Variants in C3orf33 observed in about 807,000 individuals in gnomAD.
C3orf33 encodes the protein mitochondrial inner membrane subdomain organizer 1, also known as AP-1 activity suppressor.
Under a neutral mutation model 28.7 loss-of-function variants are expected in C3orf33, and 23 were observed. The ratio of observed to expected loss-of-function variants is 0.80; its 90% confidence interval spans 0.58 to 1.13. The LOEUF (loss-of-function observed/expected upper bound fraction) is 1.13, where lower values mean the gene tolerates loss of function less well. Ranked by LOEUF, C3orf33 falls within the 50% of genes most tolerant of loss-of-function variation. C3orf33 has a pLI of 0.00. For missense variants in C3orf33, 327 were observed against 353.4 expected, an observed-to-expected ratio of 0.93 and a Z score of 0.60; for synonymous variants, 119 against 120.5, an observed-to-expected ratio of 0.99 and a Z score of 0.08.
intron 2 of C3orf33, among the ~76,000 whole-genome samples, chr3:155,787,312 C>T (rs187737693): frequency 4.6e-5 from 7 of 151,448 alleles, no homozygotes; most frequent in Admixed American, 1.3e-4. Context: ...GATCCTCCCA[C>T]CTCAGCCTCC....
chr3:155,787,464 G>A (rs1405597700), intron 2 of C3orf33, among the ~76,000 whole-genome samples: 1 of 149,250 alleles, frequency 6.7e-6, no homozygotes, highest in Non-Finnish European at 1.5e-5. Context: ...CAATTCTCCT[G>A]CCTCAGCCTC....
rs113288254 is a variant in C3orf33, at chr3:155,797,210, C to T, written c.174+5322G>A. On this transcript the variant is annotated intron_variant, in intron 2 of 4. Coordinates refer to ENST00000340171, the MANE Select transcript of C3orf33 (RefSeq NM_001308229.2). ...AAAGAAAAGACAAAAGCCATACAAACATGAACATTTCAATAGATGCTGAAA... is the reference window on the plus strand; with the variant it reads ...AAAGAAAAGACAAAAGCCATACAAATATGAACATTTCAATAGATGCTGAAA... Among the ~76,000 whole-genome samples the T allele has an allele frequency of 2.2e-3, 337 of 152,198 alleles. 2 individuals are homozygous for T. The highest frequency in any genetic ancestry group is 7.2e-3 in the African/African-American group (298 of 41,538).
intron 2 of C3orf33, among the ~76,000 whole-genome samples, chr3:155,780,492 T>C (rs1026072200): frequency 6.6e-6 from 1 of 152,258 alleles, no homozygotes; most frequent in African/African-American, 2.4e-5. Context: ...GTTTATAAAG[T>C]GCTGGCACAA....
chr3:155,797,914 T>C (rs1249428995), intron 2 of C3orf33, among the ~76,000 whole-genome samples: 1 of 151,750 alleles, frequency 6.6e-6, no homozygotes, highest in Non-Finnish European at 1.5e-5. Context: ...CTACTAAAAA[T>C]ACAAAAATTA....
intron 2 of C3orf33, among the ~76,000 whole-genome samples, chr3:155,782,502 A>G (rs183186418): frequency 6.6e-6 from 1 of 152,340 alleles, no homozygotes; most frequent in African/African-American, 2.4e-5. Context: ...AGCAGCAAGA[A>G]AGAAGCAATT....
intron 2 of C3orf33, among the ~76,000 whole-genome samples, chr3:155,790,266 A>AT (rs1751273562): frequency 6.6e-6 from 1 of 151,536 alleles, no homozygotes; most frequent in Non-Finnish European, 1.5e-5. Context: ...CTAACACTAT[A>AT]TAAAAAAATT....
intron 3 of C3orf33, among the ~76,000 whole-genome samples, chr3:155,772,772 CTGTGTGTGTGTGTGTGTG>C (rs60966459): frequency 3.1e-4 from 44 of 142,136 alleles, no homozygotes; most frequent in Non-Finnish European, 5.8e-4. Context: ...TTTTTAGGCT[CTGTGTGTGTGTGTGTGTG>C]TGTGTGTGTG....
rs1482433585 is a variant in C3orf33 at position 155,762,890 on chromosome 3, T to A, written c.*627A>T. The A allele has an allele frequency of 6.6e-6, 1 of 151,254 alleles. No homozygotes were observed. Among genetic ancestry groups the A allele is most frequent in the Non-Finnish European group, 1.5e-5 (1 of 67,892 alleles). 9.4% of individuals were successfully genotyped at this position (151,254 alleles called of 1,614,324 possible). On this transcript the variant is annotated 3_prime_UTR_variant, in exon 5 of 5. Transcript: ENST00000340171. ...ATGTCAAAACAAAAAAAGCCGGGCT[T>A]GGTAGCTCACGCCTGTAATCCCAGC...
At chr3:155,777,424 A>C (rs961449230) in intron 2 of C3orf33, among the ~76,000 whole-genome samples, 1 of 152,134 alleles carries the variant, frequency 6.6e-6, no homozygotes, top group Non-Finnish European at 1.5e-5. Flanking sequence ...GATAATATTA[A>C]AGGACAAACT....
chr3:155,775,739 T>C lies in C3orf33; in HGVS notation c.284A>G (p.His95Arg). 6.3e-7 allele frequency: 1 copy of C among 1,584,282 alleles called. No homozygotes were observed. Among genetic ancestry groups the C allele is most frequent in the Non-Finnish European group, 8.7e-7 (1 of 1,154,860 alleles). Reference protein sequence around the residue: ...RITENGLEIEHIPITLPIIAS... With the variant: ...RITENGLEIERIPITLPIIAS... ...TATAATAGGTAAAGTAATAGGTATA[T>C]GTTCAATTTCTAAACCATTCTCAGT... The change falls in exon 3 of 5, where the codon CAT becomes CGT. Residue 95 changes from histidine (H) to arginine (R), a missense_variant. Transcript: ENST00000340171.
At chr3:155,780,263 G>A (rs1032603046) in intron 2 of C3orf33, among the ~76,000 whole-genome samples, 1 of 152,150 alleles carries the variant, frequency 6.6e-6, no homozygotes, top group Admixed American at 6.6e-5. Flanking sequence ...AGACGGTGAA[G>A]AAGATGTCCT....
chr3:155,766,885 G>A (rs1356233578), intron 4 of C3orf33, among the ~76,000 whole-genome samples: 1 of 152,216 alleles, frequency 6.6e-6, no homozygotes, highest in East Asian at 1.9e-4. Context: ...GGGAGGCAGA[G>A]ATTGCAGTGA....
At chr3:155,766,041 A>G (rs895124100) in intron 4 of C3orf33, among the ~76,000 whole-genome samples, 13 of 152,154 alleles carry the variant, frequency 8.5e-5, no homozygotes, top group Non-Finnish European at 1.8e-4. Context: ...ATCTTATTTT[A>G]TTTACAAGAA....
Position 155,763,683 on chromosome 3 carries a change from TC to T in C3orf33, c.718del (p.Asp240ThrfsTer4), listed in dbSNP as rs761276267. The T allele has an allele frequency of 6.3e-7, 1 of 1,594,750 alleles. No individual in the cohort carries two copies. The highest frequency in any genetic ancestry group is 1.2e-5 in the South Asian group (1 of 85,562). ...TGATCCTGTTGTTTTTAAAAAACTG[TC>T]CTTTTTCCATATTTCTCTCCAGGAA... ...KDSWREIWKK[D>X]SFLKTTGSDF... On this transcript the variant is annotated frameshift_variant, in exon 5 of 5. Transcript: ENST00000340171. LOFTEE classifies it high-confidence loss of function.
At chr3:155,793,834 A>AAAAAC (rs778070795) in intron 2 of C3orf33, among the ~76,000 whole-genome samples, 56 of 146,590 alleles carry the variant, frequency 3.8e-4, no homozygotes, top group Middle Eastern at 3.5e-3. Context: ...AAAACTAAAA[A>AAAAAC]AACTAAAAAA....
chr3:155,770,308 A>T (rs1490574756), intron 3 of C3orf33, among the ~76,000 whole-genome samples: 5 of 152,236 alleles, frequency 3.3e-5, no homozygotes, highest in African/African-American at 1.2e-4. Context: ...AGTGCAGCCC[A>T]CCAGGCCAAG....
At chr3:155,775,502 A>G (rs1351448572) in intron 3 of C3orf33, among the ~76,000 whole-genome samples, 199 bp downstream of exon 3, 8 of 151,678 alleles carry the variant, frequency 5.3e-5, no homozygotes, top group East Asian at 1.9e-4. Flanking sequence ...AAAAAAAAAA[A>G]GGAACGAAAG....
chr3:155,768,949 G>C (rs1577411549), intron 3 of C3orf33, among the ~76,000 whole-genome samples: 1 of 152,160 alleles, frequency 6.6e-6, no homozygotes, highest in Non-Finnish European at 1.5e-5. Flanking sequence ...GCCAAGGTGG[G>C]TGGATCACCT....
intron 3 of C3orf33, among the ~76,000 whole-genome samples, chr3:155,771,528 A>G (rs1750593530): frequency 6.6e-6 from 1 of 152,062 alleles, no homozygotes; most frequent in Non-Finnish European, 1.5e-5. Context: ...TCAGCCTCCC[A>G]AAGTGCTGGA....
Sources: allele counts gnomAD v4.1 joint callset (sites outside exome capture counted in the v4.1 genomes callset), GRCh38; gene constraint gnomAD v4.1.1; transcripts MANE v1.5; gene names NCBI Gene and HGNC (gene_info 2026-07-23, HGNC 2026-07-21).